TMEM237: variants seen among roughly 807,000 people sequenced by gnomAD.
TMEM237 encodes amyotrophic lateral sclerosis 2 (juvenile) chromosome region, candidate 4.
TMEM237 carries 51 observed loss-of-function variants against 59.1 expected under a neutral mutation model. The ratio of observed to expected loss-of-function variants is 0.86; its 90% CI spans 0.69 to 1.09. The LOEUF is 1.09. Among genes scored for constraint, TMEM237 ranks in the 50% least tolerant of loss-of-function variants. TMEM237 has a pLI of 0.00. For missense variants in TMEM237, 475 were observed against 478.3 expected (o/e 0.99, Z 0.06); for synonymous variants, 140 against 166.1 (o/e 0.84, Z 1.21).
intron 5 of TMEM237, among the ~76,000 whole-genome samples, chr2:201,633,780 G>A (rs1687230200): frequency 6.6e-6 from 1 of 152,154 alleles, no homozygotes; most frequent in Non-Finnish European, 1.5e-5. Flanking sequence ...TGGATATAAA[G>A]CAAAATCAGC....
chr2:201,627,512 T>A, intron 10 of TMEM237, 98 bp from the exon 11 acceptor site: 1 of 758,828 alleles, frequency 1.3e-6, no homozygotes, highest in East Asian at 2.7e-5. Context: ...CTTTCATGAC[T>A]GATGATATAA....
intron 11 of TMEM237, among the ~76,000 whole-genome samples, chr2:201,626,905 A>T (rs1035817752): frequency 2.0e-5 from 3 of 152,176 alleles, no homozygotes; most frequent in African/African-American, 7.2e-5. Flanking sequence ...AACATGGTGA[A>T]GCCCATTTCT....
chr2:201,636,455 T>C, intron 5 of TMEM237: 1 of 276,164 alleles, frequency 3.6e-6, no homozygotes, highest in Admixed American at 5.3e-5. Context: ...TAATCTGAAA[T>C]GTCCATTTCA....
intron 1 of TMEM237, 71 bp from the exon 2 acceptor site, chr2:201,640,995 T>G: frequency 1.5e-6 from 2 of 1,373,904 alleles, no homozygotes; most frequent in Non-Finnish European, 2.0e-6. Context: ...ACCATCACGC[T>G]ATTTTTTTTT....
At position 201,622,013 on chromosome 2, in the gene TMEM237, T is replaced by C. The variant is rs964990347; in HGVS notation, c.*2242A>G. 1.3e-5 allele frequency: 2 copies of C among 152,180 alleles called. No homozygotes were observed. The highest frequency in any genetic ancestry group is 4.8e-5 in the African/African-American group (2 of 41,450). The allele number at this position is 152,180 out of a possible 1,614,324, so 9.4% of individuals were successfully genotyped here. A position where few individuals can be genotyped will look rare whatever the true frequency, so the allele number is the denominator to read the frequency against. On this transcript the variant is annotated 3_prime_UTR_variant, in exon 13 of 13. Coordinates refer to ENST00000409883, the MANE Select transcript of TMEM237 (RefSeq NM_001044385.3). ...AAACACCAGGGAAAACAGAGTCCTCTGTACAAGTCCTTAATCAGGGAATAC... is the reference window on the plus strand; with the variant it reads ...AAACACCAGGGAAAACAGAGTCCTCCGTACAAGTCCTTAATCAGGGAATAC...
chr2:201,641,982 T>C (rs1024792985), intron 1 of TMEM237, among the ~76,000 whole-genome samples: 11 of 152,340 alleles, frequency 7.2e-5, no homozygotes, highest in African/African-American at 2.4e-4. Context: ...GATTTTGTTT[T>C]AATTCAATGG....
intron 6 of TMEM237, among the ~76,000 whole-genome samples, chr2:201,632,563 A>C (rs1222404089): frequency 6.6e-6 from 1 of 152,210 alleles, no homozygotes; most frequent in African/African-American, 2.4e-5. Context: ...TTCTGGTGAT[A>C]GTGAGTTCTC....
chr2:201,627,469 G>C (rs1441278267), intron 10 of TMEM237, 55 bp from the exon 11 acceptor site: 1 of 1,168,908 alleles, frequency 8.6e-7, no homozygotes, highest in Non-Finnish European at 1.2e-6. Context: ...GGTTTATTTT[G>C]AATTTATAGA....
Position 201,636,904 on chromosome 2 carries a change from G to A in TMEM237, c.137-19C>T, listed in dbSNP as rs369430368. The A allele has an allele frequency of 1.1e-5, 18 of 1,576,722 alleles. No homozygotes were observed. The highest frequency in any genetic ancestry group is 9.7e-5 in the Admixed American group (5 of 51,368). On this transcript the variant is annotated intron_variant, in intron 4 of 12. Coordinates refer to ENST00000409883, the MANE Select transcript of TMEM237 (RefSeq NM_001044385.3). ...GCACTTGCTATAGAAAAACAGAGTA[G>A]AAAAAAATGAGATTACTTGAGCAAA...
At chr2:201,626,250 G>C in intron 11 of TMEM237, 103 bp from the exon 12 acceptor site, 1 of 1,239,538 alleles carries the variant, frequency 8.1e-7, no homozygotes. Context: ...TCCTCTCCTA[G>C]AGAAATAACA....
Position 201,629,837 on chromosome 2 carries a change from G to A in TMEM237, c.569C>T (p.Ala190Val), listed in dbSNP as rs755937170. Residue 190 changes from alanine to valine, a missense_variant, in exon 8 of 13, where the codon GCT becomes GTT. By Grantham distance (64) the Ala-to-Val change is moderately conservative. Transcript: ENST00000409883. ...GGTCTTTATCAACTCTGAACGATCAGCAGCCTGGAATCTCCCTAAGAACAC... is the reference window on the plus strand; with the variant it reads ...GGTCTTTATCAACTCTGAACGATCAACAGCCTGGAATCTCCCTAAGAACAC... ...FVEKSRRFQA[A>V]DRSELIKTTE... 6.2e-7 allele frequency: 1 copy of A among 1,612,146 alleles called. No individual in the cohort carries two copies. The highest frequency in any genetic ancestry group is 1.3e-5 in the African/African-American group (1 of 74,942).
In TMEM237 at chr2:201,639,092, A is replaced by G. The variant is rs1258920528; in HGVS notation, c.80-47T>C. The stretch of plus-strand genomic sequence containing the variant: ...CAACAGAAAAGGGTGCCTAAAATTC[A>G]ATGCAGAGAACAGTCAGAAGAGAAC... On this transcript the variant is annotated intron_variant, in intron 3 of 12. Transcript: ENST00000409883. 3.3e-6 allele frequency: 5 copies of G among 1,502,480 alleles called. No homozygotes were observed. In the Admixed American group the frequency reaches 1.0e-4, roughly 30 times the overall value. 93.1% of individuals were successfully genotyped at this position (1,502,480 alleles called of 1,614,324 possible). A position where few individuals can be genotyped will look rare whatever the true frequency, so the allele number is the denominator to read the frequency against.
At chr2:201,640,872 A>G (rs2105904416) in intron 2 of TMEM237, 21 bp downstream of exon 2, 1 of 1,554,490 alleles carries the variant, frequency 6.4e-7, no homozygotes, top group African/African-American at 1.4e-5. Flanking sequence ...CAATAATGAA[A>G]TTACTGTAAA....
In TMEM237 at chr2:201,623,426, G is replaced by C. The variant is rs2105895975; in HGVS notation, c.*829C>G. On this transcript the variant is annotated 3_prime_UTR_variant, in exon 13 of 13. Coordinates refer to ENST00000409883, the MANE Select transcript of TMEM237 (RefSeq NM_001044385.3). ...CTCTCTGACAAAGAGCTGGAGAACA[G>C]AGATGGTGAATTTCTACTCCTATTT... The C allele has an allele frequency of 6.0e-6, 1 of 166,226 alleles. No homozygotes were observed. Among genetic ancestry groups the C allele is most frequent in the Non-Finnish European group, 1.3e-5 (1 of 74,964 alleles). 10.3% of individuals were successfully genotyped at this position (166,226 alleles called of 1,614,324 possible).
chr2:201,632,159 C>G lies in TMEM237; in HGVS notation c.445G>C (p.Asp149His). 6.2e-7 allele frequency: 1 copy of G among 1,613,900 alleles called. No homozygotes were observed. Among genetic ancestry groups the G allele is most frequent in the South Asian group, 1.1e-5 (1 of 91,078 alleles). Reference sequence around the variant, plus strand: ...TGCTCATCAGTGATTATGTCTTCATCTTCTACTCCTAGCTCATTGGCATAC... The same window carrying G: ...TGCTCATCAGTGATTATGTCTTCATGTTCTACTCCTAGCTCATTGGCATAC... ...LQYANELGVE[D>H]EDIITDEQTT... Residue 149 changes from aspartate (D) to histidine (H), a missense_variant, in exon 7 of 13, where the codon GAT becomes CAT. Coordinates refer to ENST00000409883, the MANE Select transcript of TMEM237 (RefSeq NM_001044385.3).
rs569706183 is a variant in TMEM237 at position 201,620,280 on chromosome 2, A to C, written c.*3975T>G. 6.6e-6 allele frequency: 1 copy of C among 152,228 alleles called. No individual in the cohort carries two copies. Among genetic ancestry groups the C allele is most frequent in the African/African-American group, 2.4e-5 (1 of 41,458 alleles). 9.4% of individuals were successfully genotyped at this position (152,228 alleles called of 1,614,324 possible). On this transcript the variant is annotated 3_prime_UTR_variant, in exon 13 of 13. Transcript: ENST00000409883. ...AAATGTACTCTCCTAGCTCAGGATC[A>C]TTATTTATTCCTCTTATTTTTGGAA...
chr2:201,627,389 A>T lies in TMEM237; in HGVS notation c.969T>A (p.Ser323=). ...TGTCACTTGTCATTTGCTGACTCAG[A>T]GATAGTATAAGAGCAGTAAAGTACA... ...SFLYFTALIL[S]LSQQMTSDRI... Residue 323 remains serine (S), a synonymous_variant, in exon 11 of 13, where the codon TCT becomes TCA. Coordinates refer to ENST00000409883, the MANE Select transcript of TMEM237 (RefSeq NM_001044385.3). 6.2e-7 allele frequency: 1 copy of T among 1,603,406 alleles called. No homozygotes were observed. Among genetic ancestry groups the T allele is most frequent in the Non-Finnish European group, 8.5e-7 (1 of 1,174,446 alleles).
At chr2:201,631,825 T>C (rs1957810438) in intron 7 of TMEM237, among the ~76,000 whole-genome samples, 2 of 152,180 alleles carry the variant, frequency 1.3e-5, no homozygotes, top group South Asian at 4.1e-4. Flanking sequence ...TGAAGAACAT[T>C]ATTATATAGA....
chr2:201,632,943 T>C lies in TMEM237; in HGVS notation c.395+368A>G, dbSNP rs372895732. 2.2e-3 allele frequency among the ~76,000 whole-genome samples: 330 copies of C among 152,340 alleles called. 1 individual carries two copies. The highest frequency in any genetic ancestry group is 7.3e-3 in the African/African-American group (303 of 41,592). On this transcript the variant is annotated intron_variant, in intron 6 of 12. Coordinates refer to ENST00000409883, the MANE Select transcript of TMEM237 (RefSeq NM_001044385.3). ...CCAGTTTTACTTATTCCTAAAATAA[T>C]CATAATTTGAATTCTGTTAACATAA... is the stretch of plus-strand genomic sequence containing the variant.
Sources: gnomAD v4.1 joint callset for allele counts (sites outside exome capture counted in the v4.1 genomes callset) on GRCh38, gnomAD v4.1.1 for gene constraint, MANE v1.5 for transcripts, NCBI Gene and HGNC (gene_info 2026-07-23, HGNC 2026-07-21) for gene names.